The following PTAFR variants were observed in gnomAD, a reference collection of about 807,000 sequenced individuals.
PTAFR encodes platelet activating factor receptor.
PTAFR carries 8 observed loss-of-function variants against 14.7 expected under a neutral mutation model. That is an observed-to-expected ratio of 0.54 (90% CI 0.32 to 0.98). PTAFR has a LOEUF of 0.98. Ranked by LOEUF, PTAFR falls within the 50% of genes least tolerant of loss-of-function variation. The pLI is 0.04. For missense variants in PTAFR, 337 were observed against 451.2 expected, an observed-to-expected ratio of 0.75 and a Z score of 2.29; for synonymous variants, 156 against 176.5, an observed-to-expected ratio of 0.88 and a Z score of 0.92.
At chr1:28,170,984 C>T (rs952436043) in intron 1 of PTAFR, among the ~76,000 whole-genome samples, 6 of 146,334 alleles carry the variant, frequency 4.1e-5, no homozygotes, top group East Asian at 4.1e-4. Flanking sequence ...TGGGCAACAG[C>T]GAGACTCCAT....
chr1:28,158,403 A>C (rs556254858), intron 1 of PTAFR, among the ~76,000 whole-genome samples: 1 of 152,280 alleles, frequency 6.6e-6, no homozygotes, highest in East Asian at 1.9e-4. Flanking sequence ...ACAGGGCTTT[A>C]AAAATAAGCA....
chr1:28,155,666 A>T (rs1209946178), intron 1 of PTAFR, among the ~76,000 whole-genome samples: 1 of 152,068 alleles, frequency 6.6e-6, no homozygotes, highest in Non-Finnish European at 1.5e-5. Flanking sequence ...GGGGTTTGAG[A>T]CCAGCCTGGT....
At chr1:28,159,611 G>T (rs768741941) in intron 1 of PTAFR, among the ~76,000 whole-genome samples, 1 of 152,026 alleles carries the variant, frequency 6.6e-6, no homozygotes. Flanking sequence ...GCCGAGGCAG[G>T]ACGATCACTC....
chr1:28,181,263 A>G (rs1646560780), upstream of PTAFR, among the ~76,000 whole-genome samples: 1 of 152,174 alleles, frequency 6.6e-6, no homozygotes, highest in African/African-American at 2.4e-5. Context: ...AAACTTTTCT[A>G]TGAAGTTGTG....
At chr1:28,169,999 C>CAAAAAA (rs55770214) in intron 1 of PTAFR, among the ~76,000 whole-genome samples, 1 of 123,000 alleles carries the variant, frequency 8.1e-6, no homozygotes. Context: ...GACTCCATCT[C>CAAAAAA]AAAAAAAAAA....
At chr1:28,171,553 G>A (rs146183691) in intron 1 of PTAFR, among the ~76,000 whole-genome samples, 5 of 152,214 alleles carry the variant, frequency 3.3e-5, no homozygotes, top group East Asian at 3.9e-4. Context: ...GGATTTGAGC[G>A]ACGAATTAAG....
intron 1 of PTAFR, among the ~76,000 whole-genome samples, chr1:28,173,756 G>C (rs142484887): frequency 0.041 from 6,252 of 152,032 alleles, 180 homozygotes; most frequent in Non-Finnish European, 0.064. Flanking sequence ...AGGCCCTGAA[G>C]ATCTCCCACC....
rs1357063569 is a variant in PTAFR at position 28,151,048 on chromosome 1, T to G, written c.-27A>C. The G allele has an allele frequency of 6.5e-7, 1 of 1,530,336 alleles. No homozygotes were observed. Among genetic ancestry groups the G allele is most frequent in the Non-Finnish European group, 8.8e-7 (1 of 1,135,508 alleles). 94.8% of individuals were successfully genotyped at this position (1,530,336 alleles called of 1,614,324 possible). The stretch of plus-strand genomic sequence containing the variant: ...GCTGTGGGCTGGAATGATCAGCTGG[T>G]CCTGGTGGTGCCTGGAAGACCACAC... On this transcript the variant is annotated 5_prime_UTR_variant, in exon 2 of 2. Transcript: ENST00000373857.
At chr1:28,165,557 G>T (rs1646376305) in intron 1 of PTAFR, among the ~76,000 whole-genome samples, 2 of 152,044 alleles carry the variant, frequency 1.3e-5, no homozygotes, top group African/African-American at 4.8e-5. Context: ...GCCGAGACAG[G>T]CGGATCACGA....
chr1:28,191,803 C>T (rs1263326987), intron 1 of PTAFR, among the ~76,000 whole-genome samples: 1 of 151,276 alleles, frequency 6.6e-6, no homozygotes, highest in Non-Finnish European at 1.5e-5. Context: ...TAGCTCATGC[C>T]TGCTGCAATC....
At chr1:28,192,598 T>C (rs1646662734) in intron 1 of PTAFR, among the ~76,000 whole-genome samples, 2 of 150,066 alleles carry the variant, frequency 1.3e-5, no homozygotes, top group Admixed American at 6.6e-5. Flanking sequence ...TGTAAAAGCC[T>C]TGGTGTTTGG....
At chr1:28,184,067 C>T (rs1224215080) in intron 1 of PTAFR, among the ~76,000 whole-genome samples, 5 of 149,560 alleles carry the variant, frequency 3.3e-5, no homozygotes, top group African/African-American at 7.4e-5. Flanking sequence ...TCCATACTCA[C>T]GTCCCCATTA....
chr1:28,187,084 T>G (rs895215486), intron 1 of PTAFR, among the ~76,000 whole-genome samples: 16 of 152,096 alleles, frequency 1.1e-4, no homozygotes, highest in African/African-American at 3.9e-4. Flanking sequence ...AGCCACCTCG[T>G]CCAGCCCTCA....
chr1:28,168,503 A>G (rs1557692162), intron 1 of PTAFR, among the ~76,000 whole-genome samples: 3 of 152,164 alleles, frequency 2.0e-5, no homozygotes, highest in South Asian at 2.1e-4. Flanking sequence ...AAGCCAGCTC[A>G]CAGGAAGACA....
chr1:28,155,562 A>G (rs1055519210), intron 1 of PTAFR, among the ~76,000 whole-genome samples: 4 of 152,018 alleles, frequency 2.6e-5, no homozygotes, highest in Non-Finnish European at 5.9e-5. Flanking sequence ...CCTCAGCTGA[A>G]TTTCACTGCT....
At chr1:28,188,118 C>T (rs1277903423) in intron 1 of PTAFR, among the ~76,000 whole-genome samples, 1 of 151,550 alleles carries the variant, frequency 6.6e-6, no homozygotes, top group East Asian at 1.9e-4. Flanking sequence ...TCAAAACCAG[C>T]CTGGGCAACA....
rs1646144307 is a variant in PTAFR at position 28,148,784 on chromosome 1, A to G, written c.*1209T>C. ...GTATTCTTAGTGGAGATGGCGTTTCACCACGTTGGCCAGGCTGGTCTCGAA... is the reference window on the plus strand; with the variant it reads ...GTATTCTTAGTGGAGATGGCGTTTCGCCACGTTGGCCAGGCTGGTCTCGAA... On this transcript the variant is annotated 3_prime_UTR_variant, in exon 2 of 2. Transcript: ENST00000373857. 1 of 152,234 alleles carries G rather than the reference A, an allele frequency of 6.6e-6. No homozygotes were observed. Among genetic ancestry groups the G allele is most frequent in the South Asian group, 2.1e-4 (1 of 4,832 alleles). 9.4% of individuals were successfully genotyped at this position (152,234 alleles called of 1,614,324 possible).
chr1:28,191,459 C>T (rs1370445981), intron 1 of PTAFR, among the ~76,000 whole-genome samples: 2 of 152,150 alleles, frequency 1.3e-5, no homozygotes, highest in African/African-American at 4.8e-5. Context: ...TCCAGCCGGG[C>T]GCAGTGGTAT....
intron 1 of PTAFR, among the ~76,000 whole-genome samples, chr1:28,186,894 C>T (rs1297598983): frequency 6.6e-6 from 1 of 152,178 alleles, no homozygotes; most frequent in Non-Finnish European, 1.5e-5. Flanking sequence ...CATTGCACTC[C>T]AGCCTGGGTA....
Sources: gnomAD v4.1 joint callset for allele counts (sites outside exome capture counted in the v4.1 genomes callset) on GRCh38, gnomAD v4.1.1 for gene constraint, MANE v1.5 for transcripts, NCBI Gene and HGNC (gene_info 2026-07-23, HGNC 2026-07-21) for gene names.